Variants in SERPINB8 observed in about 807,000 individuals in gnomAD.
SERPINB8 encodes the protein serpin B8.
SERPINB8 carries 25 observed loss-of-function variants against 35.3 expected under a neutral mutation model. The ratio of observed to expected loss-of-function variants is 0.71; its 90% CI spans 0.52 to 0.99. The LOEUF is 0.99. Ranked by LOEUF, SERPINB8 falls within the 50% of genes least tolerant of loss-of-function variation. SERPINB8 has a pLI of 0.00. For synonymous variants in SERPINB8, 186 were observed against 160.8 expected (o/e 1.16, Z -1.19); for missense variants, 484 against 446.5 (o/e 1.08, Z -0.76).
chr18:64,018,144 G>A (rs572753351), intron 7 of SERPINB8, among the ~76,000 whole-genome samples: 34 of 152,270 alleles, frequency 2.2e-4, no homozygotes, highest in Non-Finnish European at 4.4e-4. Context: ...TTTTAAAGAA[G>A]TACTTTCAGG....
chr18:64,013,777 T>TAAAG (rs1216854952), intron 7 of SERPINB8, among the ~76,000 whole-genome samples: 1 of 152,132 alleles, frequency 6.6e-6, no homozygotes, highest in African/African-American at 2.4e-5. Flanking sequence ...GGAAAGGTGT[T>TAAAG]CCGGAAAGAA....
rs140382735 is a variant in SERPINB8 at position 63,996,770 on chromosome 18, C to G, written c.71-8049C>G. On this transcript the variant is annotated intron_variant, in intron 1 of 1. Coordinates refer to the SERPINB8 transcript ENST00000493661. The stretch of plus-strand genomic sequence containing the variant: ...GTGAATTTCCTGGTTGTAATCTGGG[C>G]AAGTGGCACAACATCTCGTTTAGAG... 8.4e-4 allele frequency among the ~76,000 whole-genome samples: 128 copies of G among 152,344 alleles called. 2 individuals carry two copies. In the East Asian group the frequency reaches 0.023, roughly 28 times the overall value.
chr18:64,006,829 C>T (rs1430737411), downstream of SERPINB8, among the ~76,000 whole-genome samples: 4 of 151,616 alleles, frequency 2.6e-5, 1 homozygote, highest in South Asian at 6.2e-4. Context: ...TTTTGGGGTA[C>T]AGCTAAAATG....
Position 63,987,392 on chromosome 18 carries a change from C to T in SERPINB8, c.*114C>T. 1 of 1,077,458 alleles carries T rather than the reference C, an allele frequency of 9.3e-7. No individual in the cohort carries two copies. Among genetic ancestry groups the T allele is most frequent in the Non-Finnish European group, 1.3e-6 (1 of 743,378 alleles). 66.7% of individuals were successfully genotyped at this position (1,077,458 alleles called of 1,614,324 possible). Reference sequence around the variant, plus strand: ...TGAATGCCAAAATAAAGCGTGTGCACTGGATAGTGTGTGAAAGTCTTTGCT... The same window carrying T: ...TGAATGCCAAAATAAAGCGTGTGCATTGGATAGTGTGTGAAAGTCTTTGCT... On this transcript the variant is annotated 3_prime_UTR_variant, in exon 7 of 7. Coordinates refer to ENST00000397985, the MANE Select transcript of SERPINB8 (RefSeq NM_002640.4).
At chr18:63,971,391 C>T (rs551142774) in intron 1 of SERPINB8, among the ~76,000 whole-genome samples, 2 of 152,350 alleles carry the variant, frequency 1.3e-5, no homozygotes, top group South Asian at 4.1e-4. Flanking sequence ...ACATCCTTGG[C>T]TGTCTTTGTT....
chr18:64,002,192 G>A (rs1012411820), intron 1 of SERPINB8, among the ~76,000 whole-genome samples: 34 of 152,180 alleles, frequency 2.2e-4, no homozygotes, highest in African/African-American at 8.0e-4. Context: ...GCAGCCCAGG[G>A]ACAGAACCAC....
At chr18:64,008,316 C>T (rs2050909764), downstream of SERPINB8, among the ~76,000 whole-genome samples, 1 of 152,128 alleles carries the variant, frequency 6.6e-6, no homozygotes, top group Admixed American at 6.5e-5. Flanking sequence ...GATCTCGGCT[C>T]ACTGCAACTT....
intron 1 of SERPINB8, among the ~76,000 whole-genome samples, chr18:63,973,844 A>G (rs1056055048): frequency 2.6e-5 from 4 of 152,162 alleles, no homozygotes; most frequent in African/African-American, 4.8e-5. Flanking sequence ...CCATTGGTCT[A>G]TATCTCTGTT....
At position 63,987,469 on chromosome 18, in the gene SERPINB8, G is replaced by A; in HGVS notation, c.*191G>A. On this transcript the variant is annotated 3_prime_UTR_variant, in exon 7 of 7. Coordinates refer to ENST00000397985, the MANE Select transcript of SERPINB8 (RefSeq NM_002640.4). ...CTGAGGCCGCAGATGCATGAAATTTGGGCCTGGGAAGGCTATGCTGGTTTT... is the reference window on the plus strand; with the variant it reads ...CTGAGGCCGCAGATGCATGAAATTTAGGCCTGGGAAGGCTATGCTGGTTTT... The A allele has an allele frequency of 3.1e-6, 2 of 636,390 alleles. No homozygotes were observed. Among genetic ancestry groups the A allele is most frequent in the Non-Finnish European group, 2.6e-6 (1 of 383,760 alleles). 39.4% of individuals were successfully genotyped at this position (636,390 alleles called of 1,614,324 possible).
chr18:63,973,734 T>C (rs2050531890), intron 1 of SERPINB8, among the ~76,000 whole-genome samples: 1 of 152,250 alleles, frequency 6.6e-6, no homozygotes, highest in African/African-American at 2.4e-5. Flanking sequence ...CACCATTTAT[T>C]AAATAGGGAA....
rs541836140 is a variant in SERPINB8 at position 63,995,422 on chromosome 18, G to A, written c.71-9397G>A. On this transcript the variant is annotated intron_variant, in intron 1 of 1. Transcript: ENST00000493661. ...ACAATCCCTGGCACCAGGATGAGGG[G>A]GAAACAGATAATGTTCTCTGGTTTA... Among the ~76,000 whole-genome samples the A allele has an allele frequency of 2.6e-5, 4 of 152,312 alleles. No homozygotes were observed. In the South Asian group the frequency reaches 8.3e-4, roughly 32 times the overall value.
chr18:63,984,978 A>G, intron 5 of SERPINB8, 115 bp from the exon 6 acceptor site: 2 of 967,374 alleles, frequency 2.1e-6, no homozygotes, highest in Non-Finnish European at 3.1e-6. Context: ...ATCTATCAGC[A>G]TAAATGTGCA....
chr18:64,016,606 GC>G (rs2050951673), intron 7 of SERPINB8, among the ~76,000 whole-genome samples: 1 of 152,150 alleles, frequency 6.6e-6, no homozygotes, highest in Non-Finnish European at 1.5e-5. Context: ...TTAGGAATAT[GC>G]TAAATGCCTC....
Position 63,987,396 on chromosome 18 carries a change from A to G in SERPINB8, c.*118A>G, listed in dbSNP as rs1327870371. The G allele has an allele frequency of 9.5e-7, 1 of 1,053,214 alleles. No individual in the cohort carries two copies. Among genetic ancestry groups the G allele is most frequent in the East Asian group, 2.4e-5 (1 of 41,892 alleles). 65.2% of individuals were successfully genotyped at this position (1,053,214 alleles called of 1,614,324 possible). A position where few individuals can be genotyped will look rare whatever the true frequency, so the allele number is the denominator to read the frequency against. On this transcript the variant is annotated 3_prime_UTR_variant, in exon 7 of 7. Transcript: ENST00000397985. ...TGCCAAAATAAAGCGTGTGCACTGG[A>G]TAGTGTGTGAAAGTCTTTGCTGAAA...
intron 6 of SERPINB8, 111 bp downstream of exon 6, chr18:63,985,356 C>A: frequency 1.7e-6 from 2 of 1,156,546 alleles, no homozygotes; most frequent in African/African-American, 1.5e-5. Context: ...TTATTACAGG[C>A]AGTGCTGGGT....
chr18:64,008,884 G>A (rs2050912965), downstream of SERPINB8, among the ~76,000 whole-genome samples: 1 of 152,108 alleles, frequency 6.6e-6, no homozygotes. Flanking sequence ...CCCTCTCAGT[G>A]CTTCAGTCTC....
In SERPINB8 at chr18:63,981,793, G is replaced by T. The variant is rs1568273608; in HGVS notation, c.379G>T (p.Glu127Ter). The T allele has an allele frequency of 6.2e-7, 1 of 1,613,916 alleles. No individual in the cohort carries two copies. The highest frequency in any genetic ancestry group is 8.5e-7 in the Non-Finnish European group (1 of 1,179,846). Residue 127 changes from glutamate to a stop codon, truncating the protein, a stop_gained, in exon 4 of 7, where the codon GAG becomes TAG. Coordinates refer to ENST00000397985, the MANE Select transcript of SERPINB8 (RefSeq NM_002640.4). LOFTEE classifies it high-confidence loss of function. ...GTTGTCCTTTGCTGAAGACACTGAAGAGTGCAGGAAGCATATAAATGACTG... is the reference window on the plus strand; with the variant it reads ...GTTGTCCTTTGCTGAAGACACTGAATAGTGCAGGAAGCATATAAATGACTG... ...EELSFAEDTEECRKHINDWVA... is the reference protein window; with the variant it reads ...EELSFAEDTE
At chr18:63,994,466 A>G (rs532499914) in intron 1 of SERPINB8, among the ~76,000 whole-genome samples, 1 of 152,294 alleles carries the variant, frequency 6.6e-6, no homozygotes, top group East Asian at 1.9e-4. Flanking sequence ...TTCATCTGCA[A>G]GAGTCTGAGG....
rs114412937 is a variant in SERPINB8, at chr18:63,998,207, G to T, written c.71-6612G>T. On this transcript the variant is annotated intron_variant, in intron 1 of 1. Coordinates refer to the SERPINB8 transcript ENST00000493661. ...TCATCCCATCCAGAGCATTCTGCTG[G>T]ATCCTAAATGTAGTTGATGAGTTCT... is the stretch of plus-strand genomic sequence containing the variant. Among the ~76,000 whole-genome samples the T allele has an allele frequency of 6.9e-3, 1,047 of 152,262 alleles. 19 individuals are homozygous for T. The highest frequency in any genetic ancestry group is 0.024 in the African/African-American group (1,008 of 41,530).
Sources: gnomAD v4.1 joint callset for allele counts (sites outside exome capture counted in the v4.1 genomes callset) on GRCh38, gnomAD v4.1.1 for gene constraint, MANE v1.5 for transcripts, NCBI Gene and HGNC (gene_info 2026-07-23, HGNC 2026-07-21) for gene names.